Variants in PCDHGA1 observed in about 807,000 individuals in gnomAD.
The protein encoded by PCDHGA1 is protocadherin gamma-A1.
Under a neutral mutation model 58.0 loss-of-function variants are expected in PCDHGA1, and 32 were observed. The observed-to-expected ratio is 0.55, with a 90% CI of 0.42 to 0.74. The LOEUF (loss-of-function observed/expected upper bound fraction) is 0.74, where lower values mean the gene tolerates loss of function less well. Ranked by LOEUF, PCDHGA1 falls within the 30% of genes least tolerant of loss-of-function variation. The pLI is 0.00. For missense variants in PCDHGA1, 1,205 were observed against 1,182.3 expected (o/e 1.02, Z -0.28); for synonymous variants, 498 against 501.1 (o/e 0.99, Z 0.08).
chr5:141,469,419 A>G (rs1047562022), intron 1 of PCDHGA1, among the ~76,000 whole-genome samples: 2 of 152,066 alleles, frequency 1.3e-5, no homozygotes, highest in South Asian at 2.1e-4. Flanking sequence ...TACTAAAAAT[A>G]TAAAACTTAG....
intron 1 of PCDHGA1, chr5:141,362,670 CTTAA>C: frequency 8.1e-7 from 1 of 1,239,100 alleles, no homozygotes; most frequent in Non-Finnish European, 1.1e-6. Context: ...AATGTTGTGC[CTTAA>C]TTGTCTTAAT....
intron 1 of PCDHGA1, chr5:141,350,847 C>A: frequency 6.2e-7 from 1 of 1,614,046 alleles, no homozygotes; most frequent in Non-Finnish European, 8.5e-7. Context: ...CTGGAAAAAC[C>A]TCTAGACAGG....
intron 1 of PCDHGA1, chr5:141,371,841 C>T: frequency 6.2e-7 from 1 of 1,613,716 alleles, no homozygotes; most frequent in Non-Finnish European, 8.5e-7. Context: ...CGACTTGGGA[C>T]CTAATGGCCT....
chr5:141,410,083 C>T (rs752701599), intron 1 of PCDHGA1: 102 of 1,612,590 alleles, frequency 6.3e-5, no homozygotes, highest in Non-Finnish European at 4.7e-5. Flanking sequence ...GGGAGGTGCG[C>T]ACGGCTCGAG....
At chr5:141,389,903 C>T in intron 1 of PCDHGA1, 1 of 1,614,092 alleles carries the variant, frequency 6.2e-7, no homozygotes, top group Non-Finnish European at 8.5e-7. Context: ...TGCCGGATAT[C>T]ACTGACCGCC....
chr5:141,371,751 C>T (rs1768003581), intron 1 of PCDHGA1: 1 of 1,613,918 alleles, frequency 6.2e-7, no homozygotes. Flanking sequence ...TCCCGTTTTC[C>T]ACCAGGCCTC....
In PCDHGA1 at chr5:141,487,456, G is replaced by A. The variant is rs1041154635; in HGVS notation, c.2422-7351G>A. Reference sequence around the variant, plus strand: ...AGCTAGGGTCAGATGACCCTATCAAGTTTGTTGATGTGGGAGGCCACTCTC... The same window carrying A: ...AGCTAGGGTCAGATGACCCTATCAAATTTGTTGATGTGGGAGGCCACTCTC... On this transcript the variant is annotated intron_variant, in intron 1 of 3. Coordinates refer to ENST00000517417, the MANE Select transcript of PCDHGA1 (RefSeq NM_018912.3). The surrounding 1 kb of genome is among the most constrained non-coding windows in gnomAD (Gnocchi z 5.0). 6.2e-7 allele frequency: 1 copy of A among 1,614,196 alleles called. No individual in the cohort carries two copies. The highest frequency in any genetic ancestry group is 8.5e-7 in the Non-Finnish European group (1 of 1,180,026).
At chr5:141,383,731 A>T in intron 1 of PCDHGA1, 1 of 1,614,000 alleles carries the variant, frequency 6.2e-7, no homozygotes. Context: ...TGGGGAAGTG[A>T]CATATTCTTT....
At chr5:141,483,797 G>GCTGCTTTT (rs1255394691) in intron 1 of PCDHGA1, among the ~76,000 whole-genome samples, 3 of 152,174 alleles carry the variant, frequency 2.0e-5, no homozygotes, top group Non-Finnish European at 4.4e-5. Context: ...TCCAGTTGTT[G>GCTGCTTTT]CTGCTTTTTT....
At chr5:141,383,378 C>G (rs753458256) in intron 1 of PCDHGA1, 1 of 1,614,002 alleles carries the variant, frequency 6.2e-7, no homozygotes, top group Non-Finnish European at 8.5e-7. Context: ...GCTGGGGATC[C>G]AGATGTGGGC....
In PCDHGA1 at chr5:141,345,188, TG is replaced by T. The variant is rs757481424; in HGVS notation, c.2421+12084del. 9.9e-6 allele frequency: 16 copies of T among 1,614,034 alleles called. No homozygotes were observed. In the South Asian group the frequency reaches 1.6e-4, roughly 17 times the overall value. ...GGCAGAATGGGCAGGTTGAAGTTTT[TG>T]TCCTGGGAAATCTGCCATTTAAGTT... On this transcript the variant is annotated intron_variant, in intron 1 of 3. Coordinates refer to ENST00000517417, the MANE Select transcript of PCDHGA1 (RefSeq NM_018912.3).
intron 1 of PCDHGA1, chr5:141,418,920 A>G: frequency 6.2e-7 from 1 of 1,613,992 alleles, no homozygotes; most frequent in Non-Finnish European, 8.5e-7. Flanking sequence ...TCACTCTCTG[A>G]TCAGATTATG....
chr5:141,403,438 T>G (rs759998240), intron 1 of PCDHGA1: 12 of 1,614,054 alleles, frequency 7.4e-6, no homozygotes, highest in Non-Finnish European at 8.5e-6. Flanking sequence ...ATCCGGATGT[T>G]GGCGTGAACT....
Position 141,490,810 on chromosome 5 carries a change from T to C in PCDHGA1, c.2422-3997T>C, listed in dbSNP as rs2099704652. On this transcript the variant is annotated intron_variant, in intron 1 of 3. Transcript: ENST00000517417. This position sits in a 1 kb window ranked among gnomAD's most constrained non-coding sequence, Gnocchi z 5.4. ...GATCTTTGCCCAGCGTACCTTTGAC[T>C]ATGAATTGCTGCAGATGCTGCAGAT... 1 of 1,613,936 alleles carries C rather than the reference T, an allele frequency of 6.2e-7. No individual in the cohort carries two copies. Among genetic ancestry groups the C allele is most frequent in the Non-Finnish European group, 8.5e-7 (1 of 1,179,884 alleles).
intron 1 of PCDHGA1, among the ~76,000 whole-genome samples, chr5:141,354,516 T>C (rs1475346622): frequency 6.6e-6 from 1 of 152,216 alleles, no homozygotes; most frequent in Non-Finnish European, 1.5e-5. Context: ...TGCAAGGGAA[T>C]TGAAGCATTG....
chr5:141,418,785 T>C, intron 1 of PCDHGA1: 1 of 1,613,862 alleles, frequency 6.2e-7, no homozygotes, highest in African/African-American at 1.3e-5. Flanking sequence ...CCTTTGGATT[T>C]TGAAGAAGTA....
At chr5:141,427,266 G>A (rs753905641) in intron 1 of PCDHGA1, 15 of 456,620 alleles carry the variant, frequency 3.3e-5, no homozygotes, top group Non-Finnish European at 5.7e-5. Context: ...CATGACCAGC[G>A]AATGTAAAAT....
At chr5:141,339,077 C>A (rs900309615) in intron 1 of PCDHGA1, 13 of 1,614,096 alleles carry the variant, frequency 8.1e-6, no homozygotes, top group Middle Eastern at 1.6e-4. Flanking sequence ...CTATTCTGTG[C>A]GGGAAGAGAT....
intron 1 of PCDHGA1, chr5:141,421,800 G>T (rs995129799): frequency 1.2e-6 from 2 of 1,613,728 alleles, no homozygotes. Flanking sequence ...ATGGGGCCAA[G>T]AATCCAGAGC....
Sources: allele counts gnomAD v4.1 joint callset (sites outside exome capture counted in the v4.1 genomes callset), GRCh38; gene constraint gnomAD v4.1.1; non-coding constraint Gnocchi (gnomAD v3.1); transcripts MANE v1.5; gene names NCBI Gene and HGNC (gene_info 2026-07-23, HGNC 2026-07-21).